GLRA3: variants seen among roughly 807,000 people sequenced by gnomAD.
The protein encoded by GLRA3 is glycine receptor subunit alpha-3.
Under a neutral mutation model 60.4 loss-of-function variants are expected in GLRA3, and 44 were observed. That is an observed-to-expected ratio of 0.73 (90% CI 0.57 to 0.94). GLRA3 has a LOEUF of 0.94. Among genes scored for constraint, GLRA3 ranks in the 40% least tolerant of loss-of-function variants. The pLI, the probability that GLRA3 is intolerant of heterozygous loss-of-function variation, is 0.00. For synonymous variants in GLRA3, 223 were observed against 192.9 expected (o/e 1.16, Z -1.29); for missense variants, 508 against 564.6 (o/e 0.90, Z 1.02).
chr4:174,668,657 C>G, intron 7 of GLRA3, among the ~76,000 whole-genome samples: 1 of 152,064 alleles, frequency 6.6e-6, no homozygotes, highest in East Asian at 1.9e-4. Context: ...TATTTATAAA[C>G]AGCATAGTTT....
intron 4 of GLRA3, 107 bp from the exon 5 acceptor site, chr4:174,715,677 G>A: frequency 1.8e-6 from 1 of 559,878 alleles, no homozygotes; most frequent in Non-Finnish European, 3.2e-6. Flanking sequence ...TCAGATTTAA[G>A]TAAAAATTTC....
intron 5 of GLRA3, among the ~76,000 whole-genome samples, chr4:174,705,856 C>T (rs1049326181): frequency 2.0e-5 from 3 of 151,696 alleles, no homozygotes; most frequent in East Asian, 1.9e-4. Flanking sequence ...GTGGGGAGGG[C>T]AATACAAACG....
intron 2 of GLRA3, among the ~76,000 whole-genome samples, chr4:174,767,287 A>G (rs1738183422): frequency 6.6e-6 from 1 of 152,014 alleles, no homozygotes; most frequent in African/African-American, 2.4e-5. Context: ...GATGTCTCTA[A>G]TGGCTCTGTA....
intron 1 of GLRA3, among the ~76,000 whole-genome samples, chr4:174,794,711 T>C (rs1448606520): frequency 6.6e-6 from 1 of 152,220 alleles, no homozygotes; most frequent in African/African-American, 2.4e-5. Flanking sequence ...TCTCATTTCT[T>C]TTGATGTATT....
At chr4:174,647,134 C>T (rs1033495445) in intron 9 of GLRA3, among the ~76,000 whole-genome samples, 15 of 152,086 alleles carry the variant, frequency 9.9e-5, no homozygotes, top group African/African-American at 2.4e-4. Context: ...GGGCTGGGGG[C>T]GGAGGCTCAC....
chr4:174,797,371 G>GT (rs1243370287), intron 1 of GLRA3, among the ~76,000 whole-genome samples: 1 of 152,110 alleles, frequency 6.6e-6, no homozygotes, highest in East Asian at 1.9e-4. Context: ...AAAATCTGTG[G>GT]TAATTAGCTT....
intron 8 of GLRA3, among the ~76,000 whole-genome samples, chr4:174,657,515 A>G (rs189404076): frequency 6.6e-6 from 1 of 152,288 alleles, no homozygotes; most frequent in African/African-American, 2.4e-5. Flanking sequence ...TAATGATACT[A>G]GAAGGGAAAG....
chr4:174,748,700 T>C (rs758693712), intron 3 of GLRA3, among the ~76,000 whole-genome samples: 6 of 152,132 alleles, frequency 3.9e-5, no homozygotes, highest in Non-Finnish European at 8.8e-5. Flanking sequence ...AAAAGGTTTC[T>C]TGTGTTCCGG....
At chr4:174,650,402 T>G (rs1002752543) in intron 9 of GLRA3, among the ~76,000 whole-genome samples, 1 of 152,172 alleles carries the variant, frequency 6.6e-6, no homozygotes, top group Non-Finnish European at 1.5e-5. Context: ...TATCTGCTGC[T>G]AAAACACACA....
chr4:174,724,966 C>T (rs1736266883), intron 4 of GLRA3, among the ~76,000 whole-genome samples: 2 of 152,194 alleles, frequency 1.3e-5, no homozygotes, highest in Non-Finnish European at 2.9e-5. Flanking sequence ...GAAGTTTATG[C>T]ATTATGTGTC....
rs76494082 is a variant in GLRA3 at position 174,649,169 on chromosome 4, G to A, written c.1117-5105C>T. Reference sequence around the variant, plus strand: ...ATGGTTAAAGATGAATTGTCATGGGGGTAGTGAACACAGCTTCTTGCAATT... The same window carrying A: ...ATGGTTAAAGATGAATTGTCATGGGAGTAGTGAACACAGCTTCTTGCAATT... On this transcript the variant is annotated intron_variant, in intron 9 of 9. Coordinates refer to ENST00000274093, the MANE Select transcript of GLRA3 (RefSeq NM_006529.4). Among the ~76,000 whole-genome samples, 457 of 152,242 alleles carry A rather than the reference G, an allele frequency of 3.0e-3. 3 individuals are homozygous for A. The highest frequency in any genetic ancestry group is 0.01 in the African/African-American group (428 of 41,530).
At chr4:174,690,347 A>C (rs1385840) in intron 5 of GLRA3, among the ~76,000 whole-genome samples, 2,315 of 152,330 alleles carry the variant, frequency 0.015, 61 homozygotes, top group African/African-American at 0.051. Context: ...ATTCTGAGAG[A>C]ATAACATTTT....
intron 3 of GLRA3, among the ~76,000 whole-genome samples, chr4:174,733,390 T>A (rs1281518686): frequency 6.6e-6 from 1 of 152,214 alleles, no homozygotes; most frequent in African/African-American, 2.4e-5. Context: ...TTGTGTTTTT[T>A]TGACATCTTA....
At chr4:174,656,291 G>A (rs955196807) in intron 9 of GLRA3, among the ~76,000 whole-genome samples, 5 of 152,078 alleles carry the variant, frequency 3.3e-5, no homozygotes, top group African/African-American at 1.2e-4. Flanking sequence ...GGATTCTAAA[G>A]ATACACAGAA....
At chr4:174,683,929 G>A (rs1194490603) in intron 5 of GLRA3, among the ~76,000 whole-genome samples, 1 of 152,066 alleles carries the variant, frequency 6.6e-6, no homozygotes, top group African/African-American at 2.4e-5. Flanking sequence ...TTTGAATTAA[G>A]TACTTAATTC....
chr4:174,684,662 G>A (rs781354027), intron 5 of GLRA3, among the ~76,000 whole-genome samples: 2 of 152,200 alleles, frequency 1.3e-5, no homozygotes, highest in Non-Finnish European at 2.9e-5. Flanking sequence ...AATTACCATG[G>A]AGGTAGAGAG....
intron 1 of GLRA3, among the ~76,000 whole-genome samples, chr4:174,820,272 C>T (rs568349893): frequency 1.3e-5 from 2 of 152,232 alleles, no homozygotes; most frequent in Admixed American, 6.5e-5. Context: ...CCAAATTCCT[C>T]GTCAAATGTT....
At chr4:174,697,488 C>T (rs1415695117) in intron 5 of GLRA3, among the ~76,000 whole-genome samples, 1 of 152,170 alleles carries the variant, frequency 6.6e-6, no homozygotes, top group African/African-American at 2.4e-5. Flanking sequence ...TTAACTAAAA[C>T]ATTTTTATTT....
In GLRA3 at chr4:174,682,787, C is replaced by T. The variant is rs749130451; in HGVS notation, c.712+15G>A. On this transcript the variant is annotated intron_variant, in intron 6 of 9. Coordinates refer to ENST00000274093, the MANE Select transcript of GLRA3 (RefSeq NM_006529.4). The stretch of plus-strand genomic sequence containing the variant: ...CCACAAGTAGTAAGTGTAAAGAACA[C>T]TACTCAACCCCTACCTGTATTGTAA... The T allele has an allele frequency of 2.7e-5, 43 of 1,592,952 alleles. No homozygotes were observed. In the South Asian group the frequency reaches 4.3e-4, roughly 16 times the overall value.
Sources: allele counts gnomAD v4.1 joint callset (sites outside exome capture counted in the v4.1 genomes callset), GRCh38; gene constraint gnomAD v4.1.1; transcripts MANE v1.5; gene names NCBI Gene and HGNC (gene_info 2026-07-23, HGNC 2026-07-21).